PFAS: variants seen among roughly 807,000 people sequenced by gnomAD.
PFAS encodes the protein FGAM synthase.
PFAS carries 97 observed loss-of-function variants against 140.6 expected under a neutral mutation model. That is an observed-to-expected ratio of 0.69 (90% confidence interval 0.59 to 0.82). The LOEUF (loss-of-function observed/expected upper bound fraction) is 0.82. PFAS is among the 40% of genes least tolerant of loss of function. The pLI is 0.00. For missense variants in PFAS, 1,656 were observed against 1,780.2 expected (o/e 0.93, Z 1.26); for synonymous variants, 679 against 718.8 (o/e 0.94, Z 0.88).
chr17:8,263,725 G>A (rs562379200), intron 14 of PFAS, 50 bp from the exon 15 acceptor site: 30 of 1,606,546 alleles, frequency 1.9e-5, no homozygotes, highest in Admixed American at 1.3e-4. Context: ...AACATGAGAC[G>A]TGGGAGTGCC....
chr17:8,267,283 G>A lies in PFAS; in HGVS notation c.3175+48G>A, dbSNP rs936407326. 6.3e-7 allele frequency: 1 copy of A among 1,582,412 alleles called. No individual in the cohort carries two copies. The highest frequency in any genetic ancestry group is 1.3e-5 in the African/African-American group (1 of 74,482). ...TCCGCGTCCTGGGGGCACTGAGCCT[G>A]GATGCCTGGGCCTGCCCTCAGAAAG... On this transcript the variant is annotated intron_variant, in intron 24 of 27. Coordinates refer to ENST00000314666, the MANE Select transcript of PFAS (RefSeq NM_012393.3). The surrounding 1 kb of genome is among the most constrained non-coding windows in gnomAD (Gnocchi z 4.9).
intron 11 of PFAS, 120 bp downstream of exon 11, chr17:8,258,319 T>C (rs1017497498): frequency 1.0e-5 from 11 of 1,088,768 alleles, no homozygotes; most frequent in Admixed American, 7.0e-5. Context: ...GCTTATCTTA[T>C]GTGTCACATA....
At chr17:8,248,005 GAGGA>G, upstream of PFAS, 1 of 1,607,072 alleles carries the variant, frequency 6.2e-7, no homozygotes, top group Non-Finnish European at 8.5e-7. Flanking sequence ...AGCACTCACG[GAGGA>G]AGGGACCTGG....
At position 8,254,146 on chromosome 17, in the gene PFAS, C is replaced by T. The variant is rs762987748; in HGVS notation, c.143-20C>T. 6.2e-7 allele frequency: 1 copy of T among 1,614,022 alleles called. No individual in the cohort carries two copies. Among genetic ancestry groups the T allele is most frequent in the South Asian group, 1.1e-5 (1 of 91,060 alleles). On this transcript the variant is annotated intron_variant, in intron 2 of 27. Coordinates refer to ENST00000314666, the MANE Select transcript of PFAS (RefSeq NM_012393.3). ...GCTGGGGGCAGTGTCTCAAGGTGTC[C>T]TTGCCCTGTCTCCCTGCAGCTGAGG... is the stretch of plus-strand genomic sequence containing the variant.
chr17:8,267,241 G>T lies in PFAS; in HGVS notation c.3175+6G>T. On this transcript the variant is annotated splice_donor_region_variant and intron_variant, in intron 24 of 27. Transcript: ENST00000314666. The surrounding 1 kb of genome is among the most constrained non-coding windows in gnomAD (Gnocchi z 4.9). Reference sequence around the variant, plus strand: ...CTCCGTGCCCCGTGAGCCTGGTGAGGGAGTGTGTGCAGAGGCTCCGCGTCC... The same window carrying T: ...CTCCGTGCCCCGTGAGCCTGGTGAGTGAGTGTGTGCAGAGGCTCCGCGTCC... 6.2e-7 allele frequency: 1 copy of T among 1,608,510 alleles called. No homozygotes were observed.
At position 8,264,328 on chromosome 17, in the gene PFAS, G is replaced by T; in HGVS notation, c.1908G>T (p.Met636Ile). ...AGCTCGAATGGGTGCTGGGCAAGAT[G>T]CCTCGGAAGGTATGTGGGGTTGAGG... is the stretch of plus-strand genomic sequence containing the variant. ...DLELEWVLGK[M>I]PRKEFFLQRK... The change falls in exon 16 of 28, where the codon ATG (methionine) becomes ATT (isoleucine). Residue 636 changes from methionine to isoleucine, a missense_variant. Coordinates refer to ENST00000314666, the MANE Select transcript of PFAS (RefSeq NM_012393.3). The T allele has an allele frequency of 6.2e-7, 1 of 1,613,990 alleles. No homozygotes were observed. Among genetic ancestry groups the T allele is most frequent in the Non-Finnish European group, 8.5e-7 (1 of 1,179,946 alleles).
At chr17:8,252,722 A>G (rs1324157429) in intron 1 of PFAS, among the ~76,000 whole-genome samples, 1 of 152,022 alleles carries the variant, frequency 6.6e-6, no homozygotes, top group East Asian at 1.9e-4. Flanking sequence ...GGCTCAAGTG[A>G]TCTTCCCACC....
intron 4 of PFAS, among the ~76,000 whole-genome samples, 167 bp downstream of exon 4, chr17:8,255,299 G>T (rs1201449449): frequency 6.6e-6 from 1 of 152,204 alleles, no homozygotes; most frequent in Non-Finnish European, 1.5e-5. Flanking sequence ...AAATGGGGCA[G>T]AAATCCAGCC....
intron 4 of PFAS, 64 bp downstream of exon 4, chr17:8,255,196 T>G: frequency 7.0e-5 from 87 of 1,235,524 alleles, no homozygotes; most frequent in Non-Finnish European, 9.9e-5. Flanking sequence ...TCCTAAGCTC[T>G]AGAGAGAAGC....
At position 8,263,859 on chromosome 17, in the gene PFAS, C is replaced by T. The variant is rs535313930; in HGVS notation, c.1714C>T (p.Arg572Trp). 2.9e-5 allele frequency: 47 copies of T among 1,613,988 alleles called. No individual in the cohort carries two copies. The highest frequency in any genetic ancestry group is 2.0e-4 in the Admixed American group (12 of 59,992). Reference protein sequence around the residue: ...SNALLLRSPNRDFLTHVSARE... With the variant: ...SNALLLRSPNWDFLTHVSARE... ...TGCTCTTCTGCTGAGGTCCCCCAAC[C>T]GGGACTTCCTGACTCATGTCAGTGC... Residue 572 changes from arginine (R) to tryptophan (W), a missense_variant, in exon 15 of 28, where the codon CGG (arginine) becomes TGG (tryptophan). By Grantham distance (101) the Arg-to-Trp change is moderately radical. Coordinates refer to ENST00000314666, the MANE Select transcript of PFAS (RefSeq NM_012393.3).
At chr17:8,252,467 G>T (rs932834566) in intron 1 of PFAS, among the ~76,000 whole-genome samples, 1 of 150,856 alleles carries the variant, frequency 6.6e-6, no homozygotes, top group African/African-American at 2.4e-5. Flanking sequence ...GCAATGGCTC[G>T]ATCTCAGCTC....
Position 8,267,193 on chromosome 17 carries a change from C to T in PFAS, c.3133C>T (p.Leu1045=). 9 of 1,606,586 alleles carry T rather than the reference C, an allele frequency of 5.6e-6. No individual in the cohort carries two copies. Among genetic ancestry groups the T allele is most frequent in the Non-Finnish European group, 7.6e-6 (9 of 1,177,216 alleles). The change falls in exon 24 of 28, where the codon CTG becomes TTG. Residue 1045 remains leucine, a synonymous_variant. Transcript: ENST00000314666. This position sits in a 1 kb window ranked among gnomAD's most constrained non-coding sequence, Gnocchi z 4.9. ...LRERMGPSYC[L]PPTFPKASVP... ...GGAGCGGATGGGGCCCAGCTATTGC[C>T]TGCCCCCCACCTTTCCCAAAGCCTC...
rs754223356 is a variant in PFAS, at chr17:8,266,787, C to T, written c.2856C>T (p.Leu952=). The T allele has an allele frequency of 3.1e-6, 5 of 1,611,940 alleles. 1 individual carries two copies. In the South Asian group the frequency reaches 3.3e-5, roughly 11 times the overall value. ...LSVLFAEEPG[L]VLEVQEPDLA... is the part of the protein sequence containing the mutation. ...TGCTGTTCGCTGAGGAGCCAGGCCT[C>T]GTGCTGGAGGTGCAGGAGCCAGACC... is the stretch of plus-strand genomic sequence containing the variant. The change falls in exon 23 of 28, where the codon CTC becomes CTT. Residue 952 remains leucine (L), a synonymous_variant. Coordinates refer to ENST00000314666, the MANE Select transcript of PFAS (RefSeq NM_012393.3). This position sits in a 1 kb window ranked among gnomAD's most constrained non-coding sequence, Gnocchi z 5.0.
chr17:8,264,284 C>T lies in PFAS; in HGVS notation c.1864C>T (p.Pro622Ser). Reference sequence around the variant, plus strand: ...GGGGGATGCCCCCCCGACACCCCTGCCAACCCCTGTGGACCTGGAGCTCGA... The same window carrying T: ...GGGGGATGCCCCCCCGACACCCCTGTCAACCCCTGTGGACCTGGAGCTCGA... Reference protein sequence around the residue: ...GQGDAPPTPLPTPVDLELEWV... With the variant: ...GQGDAPPTPLSTPVDLELEWV... Residue 622 changes from proline to serine, a missense_variant, in exon 16 of 28, where the codon CCA becomes TCA. This residue lies in a region of PFAS where 883 missense variants were observed against 1,023.0 expected (regional missense o/e 0.86). Transcript: ENST00000314666. The T allele has an allele frequency of 6.2e-7, 1 of 1,614,018 alleles. No homozygotes were observed.
chr17:8,247,716 C>T (rs1988873085), upstream of PFAS: 2 of 414,954 alleles, frequency 4.8e-6, no homozygotes, highest in Non-Finnish European at 8.9e-6. Context: ...CTCCAGGAAC[C>T]CACAGCCCCA....
rs892485755 is a variant in PFAS, at chr17:8,256,859, C to T, written c.971C>T (p.Thr324Ile). Residue 324 changes from threonine to isoleucine, a missense_variant, in exon 9 of 28, where the codon ACC becomes ATC. Thr to Ile is a moderately conservative substitution (Grantham distance 89, BLOSUM62 -1). Coordinates refer to ENST00000314666, the MANE Select transcript of PFAS (RefSeq NM_012393.3). ...PTGVCPFSGA[T>I]TGTGGRIRDV... is the part of the protein sequence containing the mutation. Reference sequence around the variant, plus strand: ...GGAGTATGCCCCTTTAGTGGTGCAACCACTGGCACAGGGGGCCGGATTCGA... The same window carrying T: ...GGAGTATGCCCCTTTAGTGGTGCAATCACTGGCACAGGGGGCCGGATTCGA... 6.2e-7 allele frequency: 1 copy of T among 1,610,824 alleles called. No individual in the cohort carries two copies. Among genetic ancestry groups the T allele is most frequent in the Non-Finnish European group, 8.5e-7 (1 of 1,178,390 alleles).
chr17:8,248,871 C>A, upstream of PFAS, among the ~76,000 whole-genome samples: 1 of 152,158 alleles, frequency 6.6e-6, no homozygotes. Context: ...CGTCTCCCTC[C>A]TAAGTGACAT....
In PFAS at chr17:8,263,771, G is replaced by A. The variant is rs776774805; in HGVS notation, c.1630-4G>A. On this transcript the variant is annotated splice_region_variant and splice_polypyrimidine_tract_variant and intron_variant, in intron 14 of 27. Transcript: ENST00000314666. Reference sequence around the variant, plus strand: ...TCTCTTTCCTCCCCGCCGTGGCTGTGCAGCTTGGGGACCCAACCCTGAATG... The same window carrying A: ...TCTCTTTCCTCCCCGCCGTGGCTGTACAGCTTGGGGACCCAACCCTGAATG... 1.2e-6 allele frequency: 2 copies of A among 1,612,542 alleles called. No individual in the cohort carries two copies. Among genetic ancestry groups the A allele is most frequent in the Non-Finnish European group, 1.7e-6 (2 of 1,178,880 alleles).
At chr17:8,257,422 G>A (rs559931572) in intron 9 of PFAS, among the ~76,000 whole-genome samples, 41 of 152,208 alleles carry the variant, frequency 2.7e-4, no homozygotes, top group Non-Finnish European at 4.9e-4. Flanking sequence ...TGGGCGTGGT[G>A]GCGGGCGCCT....
Sources: allele counts gnomAD v4.1 joint callset (sites outside exome capture counted in the v4.1 genomes callset), GRCh38; gene constraint gnomAD v4.1.1; regional missense constraint gnomAD v4.1.1; non-coding constraint Gnocchi (gnomAD v3.1); transcripts MANE v1.5; gene names NCBI Gene and HGNC (gene_info 2026-07-23, HGNC 2026-07-21).